Variants in NTNG1 observed in about 807,000 individuals in gnomAD.
NTNG1 encodes netrin-G1.
NTNG1 carries 16 observed loss-of-function variants against 54.0 expected under a neutral mutation model. The ratio of observed to expected loss-of-function variants is 0.30; its 90% CI spans 0.20 to 0.45. The LOEUF (loss-of-function observed/expected upper bound fraction) is 0.45, where lower values mean the gene tolerates loss of function less well. Ranked by LOEUF, NTNG1 falls within the 20% of genes least tolerant of loss-of-function variation. The pLI is 1.00. For synonymous variants in NTNG1, 255 were observed against 263.1 expected, an observed-to-expected ratio of 0.97 and a Z score of 0.30; for missense variants, 530 against 678.7, an observed-to-expected ratio of 0.78 and a Z score of 2.43.
Position 107,463,972 on chromosome 1 carries a change from G to A in NTNG1, c.1391-16639G>A, listed in dbSNP as rs183306417. 1.2e-4 allele frequency among the ~76,000 whole-genome samples: 19 copies of A among 152,210 alleles called. No homozygotes were observed. The East Asian group carries it at 1.9e-3, about 15-fold the overall frequency. On this transcript the variant is annotated intron_variant, in intron 7 of 7. Coordinates refer to ENST00000370068, the MANE Select transcript of NTNG1 (RefSeq NM_001113226.3). ...TATTTCCTAGACTATATAAAAAGGA[G>A]GCATCTAATAATCATTTACTAAAAA...
intron 2 of NTNG1, among the ~76,000 whole-genome samples, chr1:107,177,592 C>T (rs1458801496): frequency 1.3e-5 from 2 of 152,130 alleles, no homozygotes; most frequent in Non-Finnish European, 2.9e-5. Flanking sequence ...CTCAGCCTCC[C>T]AAAGTGCTGG....
At chr1:107,191,424 T>C (rs1657922373) in intron 2 of NTNG1, among the ~76,000 whole-genome samples, 2 of 152,028 alleles carry the variant, frequency 1.3e-5, no homozygotes, top group South Asian at 4.1e-4. Flanking sequence ...AGAAGCTCTT[T>C]AGTTTAATTA....
chr1:107,214,830 A>G (rs968792738), intron 2 of NTNG1, among the ~76,000 whole-genome samples: 1 of 150,700 alleles, frequency 6.6e-6, no homozygotes. Context: ...CCATTCTTGC[A>G]GGAGTGAGGT....
At chr1:107,397,229 G>A (rs373779059) in intron 4 of NTNG1, among the ~76,000 whole-genome samples, 8 of 152,226 alleles carry the variant, frequency 5.3e-5, no homozygotes, top group African/African-American at 1.4e-4. Flanking sequence ...GTTAAAATAG[G>A]CAGGTGATGG....
At chr1:107,373,829 G>T (rs1247232822) in intron 3 of NTNG1, among the ~76,000 whole-genome samples, 1 of 151,864 alleles carries the variant, frequency 6.6e-6, no homozygotes, top group Non-Finnish European at 1.5e-5. Context: ...CTCTCAAGTA[G>T]CCGAGACTCC....
chr1:107,328,871 C>T (rs1668111220), intron 3 of NTNG1: 1 of 152,030 alleles, frequency 6.6e-6, no homozygotes, highest in African/African-American at 2.4e-5. Context: ...ATGCTATCAG[C>T]CATATATCAA....
At chr1:107,270,045 A>G (rs1391984568) in intron 2 of NTNG1, among the ~76,000 whole-genome samples, 1 of 152,246 alleles carries the variant, frequency 6.6e-6, no homozygotes, top group Non-Finnish European at 1.5e-5. Context: ...ATCAACTGCC[A>G]TTTTATTTCA....
At chr1:107,302,618 A>G (rs1457042031) in intron 2 of NTNG1, among the ~76,000 whole-genome samples, 1 of 152,026 alleles carries the variant, frequency 6.6e-6, no homozygotes, top group Non-Finnish European at 1.5e-5. Flanking sequence ...GTGAGTCTTA[A>G]TATATGTCAG....
At chr1:107,461,767 C>T (rs757490847) in intron 7 of NTNG1, among the ~76,000 whole-genome samples, 7 of 151,996 alleles carry the variant, frequency 4.6e-5, no homozygotes, top group Admixed American at 2.6e-4. Context: ...CTCTTGACCT[C>T]GTGAACTGCC....
chr1:107,400,819 T>A (rs1672983033), intron 4 of NTNG1, among the ~76,000 whole-genome samples: 1 of 152,036 alleles, frequency 6.6e-6, no homozygotes, highest in African/African-American at 2.4e-5. Context: ...CAGCTAATTT[T>A]TTGTATTTTT....
intron 7 of NTNG1, among the ~76,000 whole-genome samples, chr1:107,450,989 G>T (rs946798315): frequency 5.9e-5 from 9 of 152,092 alleles, no homozygotes; most frequent in Non-Finnish European, 1.2e-4. Flanking sequence ...GTCACCATCA[G>T]ACCTACTGGA....
At chr1:107,444,365 A>G (rs1305956580) in intron 7 of NTNG1, among the ~76,000 whole-genome samples, 2 of 152,134 alleles carry the variant, frequency 1.3e-5, no homozygotes, top group Non-Finnish European at 2.9e-5. Context: ...CACAAAAGGG[A>G]TACACTGATG....
intron 2 of NTNG1, among the ~76,000 whole-genome samples, chr1:107,248,838 T>G (rs956229226): frequency 6.6e-6 from 1 of 152,002 alleles, no homozygotes; most frequent in African/African-American, 2.4e-5. Context: ...ATCAGAGGTT[T>G]ATTATTATTG....
intron 1 of NTNG1, among the ~76,000 whole-genome samples, chr1:107,146,447 T>C (rs1292698626): frequency 6.6e-6 from 1 of 152,054 alleles, no homozygotes; most frequent in Non-Finnish European, 1.5e-5. Flanking sequence ...TCTGAAAATA[T>C]CAACTTAAAA....
At chr1:107,232,045 G>A (rs1301005103) in intron 2 of NTNG1, among the ~76,000 whole-genome samples, 1 of 152,098 alleles carries the variant, frequency 6.6e-6, no homozygotes, top group Non-Finnish European at 1.5e-5. Flanking sequence ...GTACTATGTG[G>A]ATATTTAACA....
Position 107,154,615 on chromosome 1 carries a change from A to C in NTNG1, c.246+5776A>C, listed in dbSNP as rs867342285. Among the ~76,000 whole-genome samples the C allele has an allele frequency of 7.4e-3, 1,106 of 149,868 alleles. 12 individuals carry two copies. Among genetic ancestry groups the C allele is most frequent in the African/African-American group, 0.025 (1,036 of 40,662 alleles). On this transcript the variant is annotated intron_variant, in intron 2 of 7. Coordinates refer to ENST00000370068, the MANE Select transcript of NTNG1 (RefSeq NM_001113226.3). Reference sequence around the variant, plus strand: ...TGTCTCAAAAAAAAAAAAAAAAAAAAAAAAAAAAACTGGGTGGAGCAGATG... The same window carrying C: ...TGTCTCAAAAAAAAAAAAAAAAAAACAAAAAAAAACTGGGTGGAGCAGATG...
chr1:107,235,002 TGCTAG>T (rs1318216235), intron 2 of NTNG1, among the ~76,000 whole-genome samples: 1 of 151,906 alleles, frequency 6.6e-6, no homozygotes, highest in Admixed American at 6.5e-5. Flanking sequence ...GCTTTCCATG[TGCTAG>T]ACCCAATGTA....
chr1:107,307,162 A>T (rs4244128), intron 2 of NTNG1, among the ~76,000 whole-genome samples: 146,359 of 152,324 alleles, frequency 0.96, 70,577 homozygotes, highest in East Asian at 1. Context: ...CACAAGAATA[A>T]CTTGGGACCT....
chr1:107,160,853 G>A (rs1300359772), intron 2 of NTNG1, among the ~76,000 whole-genome samples: 1 of 151,770 alleles, frequency 6.6e-6, no homozygotes, highest in East Asian at 1.9e-4. Context: ...TTTTATTCAG[G>A]TCTCCACTTA....
Sources: gnomAD v4.1 joint callset for allele counts (sites outside exome capture counted in the v4.1 genomes callset) on GRCh38, gnomAD v4.1.1 for gene constraint, MANE v1.5 for transcripts, NCBI Gene and HGNC (gene_info 2026-07-23, HGNC 2026-07-21) for gene names.